The following MAOB variants were observed in gnomAD, a reference collection of about 807,000 sequenced individuals.
MAOB encodes the protein monoamine oxidase B.
MAOB carries 15 observed loss-of-function variants against 41.9 expected under a neutral mutation model. That is an observed-to-expected ratio of 0.36 (90% CI 0.24 to 0.55). The LOEUF is 0.55. MAOB is among the 20% of genes least tolerant of loss of function. MAOB has a pLI of 0.86. For missense variants in MAOB, 345 were observed against 398.7 expected (o/e 0.87, Z 1.15); for synonymous variants, 167 against 144.2 (o/e 1.16, Z -1.13).
At chrX:43,847,489 T>TA (rs2035216062) in intron 1 of MAOB, among the ~76,000 whole-genome samples, 2 of 111,857 alleles carry the variant, frequency 1.8e-5, no homozygotes, top group African/African-American at 6.5e-5. Context: ...ATCCTCATTT[T>TA]AAAAAGAAAA....
chrX:43,875,123 A>G (rs2035431643), intron 1 of MAOB, among the ~76,000 whole-genome samples: 1 of 111,928 alleles, frequency 8.9e-6, no homozygotes, highest in Non-Finnish European at 1.9e-5. Flanking sequence ...TGAAAACAGA[A>G]AGTAGAAATA....
chrX:43,789,368 A>G (rs1287889994), intron 8 of MAOB, among the ~76,000 whole-genome samples: 1 of 112,390 alleles, frequency 8.9e-6, no homozygotes, highest in Non-Finnish European at 1.9e-5. Flanking sequence ...TTTTTCACAT[A>G]CTTTCAGTTT....
intron 11 of MAOB, among the ~76,000 whole-genome samples, chrX:43,775,786 A>T (rs750798882): frequency 5.3e-4 from 59 of 112,067 alleles, no homozygotes; most frequent in African/African-American, 1.8e-3. Context: ...GTAAACAACT[A>T]TTGGTCTGAA....
intron 12 of MAOB, among the ~76,000 whole-genome samples, chrX:43,771,607 C>T (rs1319447153): frequency 9.1e-6 from 1 of 109,856 alleles, no homozygotes; most frequent in African/African-American, 3.3e-5. Flanking sequence ...GTTGATTAAA[C>T]AATGCCGTTT....
chrX:43,797,156 G>T lies in MAOB; in HGVS notation c.587C>A (p.Thr196Lys). Residue 196 changes from threonine (T) to lysine (K), a missense_variant, in exon 6 of 15, where the codon ACA becomes AAA. Transcript: ENST00000378069. ...LWYVKQCGGT[T>K]RIISTTNGGQ... ...TCCATTTGTTGTCGAGATGATTCTT[G>T]TTGTGCCTCCACACTGCTTCACATA... 1 of 1,208,347 alleles carries T rather than the reference G, an allele frequency of 8.3e-7. No individual in the cohort carries two copies. Among genetic ancestry groups the T allele is most frequent in the Non-Finnish European group, 1.1e-6 (1 of 893,549 alleles).
chrX:43,788,685 A>G (rs1490050031), intron 8 of MAOB, among the ~76,000 whole-genome samples: 1 of 111,741 alleles, frequency 8.9e-6, no homozygotes, highest in Non-Finnish European at 1.9e-5. Context: ...ATGTACTGCT[A>G]TGGAGAGATG....
chrX:43,804,172 T>C (rs1375023056), intron 3 of MAOB, among the ~76,000 whole-genome samples: 1 of 111,723 alleles, frequency 9.0e-6, no homozygotes, highest in African/African-American at 3.3e-5. Flanking sequence ...TGCATTCTGA[T>C]AGCATCTTTC....
chrX:43,814,240 G>A (rs1202525172), intron 3 of MAOB, among the ~76,000 whole-genome samples: 5 of 111,232 alleles, frequency 4.5e-5, no homozygotes, highest in Admixed American at 1.9e-4. Context: ...TCTCAAAGCT[G>A]CCAAAAGAAG....
At chrX:43,809,673 G>A (rs778763793) in intron 3 of MAOB, among the ~76,000 whole-genome samples, 1 of 111,806 alleles carries the variant, frequency 8.9e-6, no homozygotes, top group Non-Finnish European at 1.9e-5. Flanking sequence ...CTCACATTTG[G>A]CCATGATGGA....
chrX:43,815,961 C>G (rs1357568008), intron 3 of MAOB, among the ~76,000 whole-genome samples: 1 of 111,780 alleles, frequency 8.9e-6, no homozygotes, highest in Non-Finnish European at 1.9e-5. Context: ...GTGCACCATA[C>G]AGCTATCCAT....
intron 1 of MAOB, among the ~76,000 whole-genome samples, chrX:43,875,219 T>A (rs2035432222): frequency 9.0e-6 from 1 of 111,639 alleles, no homozygotes; most frequent in Non-Finnish European, 1.9e-5. Flanking sequence ...CTCCTAAGGC[T>A]GAGGGCTCAT....
intron 8 of MAOB, among the ~76,000 whole-genome samples, chrX:43,790,915 G>A (rs2034455525): frequency 8.9e-6 from 1 of 111,736 alleles, no homozygotes; most frequent in Non-Finnish European, 1.9e-5. Context: ...GAAAGTTACA[G>A]TTTCTCTCCA....
chrX:43,881,533 C>T (rs769245594), intron 1 of MAOB, among the ~76,000 whole-genome samples: 120 of 112,012 alleles, frequency 1.1e-3, no homozygotes, highest in African/African-American at 3.5e-3. Flanking sequence ...TTCTATTTTT[C>T]GGTGCCCTTG....
chrX:43,873,667 T>C (rs977067337), intron 1 of MAOB, among the ~76,000 whole-genome samples: 9 of 111,283 alleles, frequency 8.1e-5, no homozygotes, highest in Non-Finnish European at 1.3e-4. Flanking sequence ...ATGACATTTT[T>C]GTTCGTTTTT....
At chrX:43,844,082 T>A in intron 1 of MAOB, 1 of 277,344 alleles carries the variant, frequency 3.6e-6, no homozygotes, top group Non-Finnish European at 5.3e-6. Context: ...TCAAGAGAAA[T>A]ATATGAGTTG....
At chrX:43,792,576 G>A (rs1317290714) in intron 8 of MAOB, among the ~76,000 whole-genome samples, 2 of 111,846 alleles carry the variant, frequency 1.8e-5, no homozygotes, top group African/African-American at 6.5e-5. Flanking sequence ...TGGCCAAAAA[G>A]CATACGAAAA....
At chrX:43,874,284 T>C (rs1275877006) in intron 1 of MAOB, among the ~76,000 whole-genome samples, 2 of 111,932 alleles carry the variant, frequency 1.8e-5, no homozygotes, top group Non-Finnish European at 3.8e-5. Context: ...CTGGATAGGC[T>C]GCCAGCAAGA....
At chrX:43,851,085 T>C (rs943856963) in intron 1 of MAOB, among the ~76,000 whole-genome samples, 3 of 112,146 alleles carry the variant, frequency 2.7e-5, no homozygotes, top group African/African-American at 9.7e-5. Context: ...GAAGACAAAA[T>C]TTGTTTTTGC....
chrX:43,801,126 C>CTT (rs543914966), intron 5 of MAOB, among the ~76,000 whole-genome samples: 1 of 100,816 alleles, frequency 9.9e-6, no homozygotes, highest in African/African-American at 3.6e-5. Context: ...CCTCTCTCTT[C>CTT]TTTTTTTTTT....
Sources: allele counts gnomAD v4.1 joint callset (sites outside exome capture counted in the v4.1 genomes callset), GRCh38; gene constraint gnomAD v4.1.1; transcripts MANE v1.5; gene names NCBI Gene and HGNC (gene_info 2026-07-23, HGNC 2026-07-21).